The following LIPG variants were observed in gnomAD, a reference collection of about 807,000 sequenced individuals.
The protein encoded by LIPG is endothelial lipase.
LIPG carries 34 observed loss-of-function variants against 51.8 expected under a neutral mutation model. The observed-to-expected ratio is 0.66, with a 90% CI of 0.50 to 0.87. LIPG has a LOEUF of 0.87. Ranked by LOEUF, LIPG falls within the 40% of genes least tolerant of loss-of-function variation. The pLI is 0.00. For missense variants in LIPG, 580 were observed against 652.7 expected, an observed-to-expected ratio of 0.89 and a Z score of 1.21; for synonymous variants, 246 against 246.1, an observed-to-expected ratio of 1.00 and a Z score of 0.00.
At chr18:49,579,022 G>C (rs1425842146) in intron 5 of LIPG, among the ~76,000 whole-genome samples, 7 of 30 alleles carry the variant, frequency 0.23, no homozygotes, top group Non-Finnish European at 0.33. Context: ...GAGGGAGAGG[G>C]AGAGGGAGAG....
chr18:49,575,259 G>A, intron 4 of LIPG, 110 bp from the exon 5 acceptor site: 2 of 778,132 alleles, frequency 2.6e-6, no homozygotes, highest in Non-Finnish European at 4.3e-6. Context: ...TCTCCCAGCT[G>A]GTCTCAGAAG....
At position 49,594,192 on chromosome 18, in the gene LIPG, G is replaced by A. The variant is rs1404288678; in HGVS notation, c.*3670G>A. ...CTCTGTAGCCCAGGCTGGAGTGCAG[G>A]GGCATGATCTTGGCCCACTGCAACC... On this transcript the variant is annotated 3_prime_UTR_variant, in exon 10 of 10. Coordinates refer to ENST00000261292, the MANE Select transcript of LIPG (RefSeq NM_006033.4). 2.0e-5 allele frequency: 3 copies of A among 151,938 alleles called. No homozygotes were observed. The highest frequency in any genetic ancestry group is 2.1e-4 in the South Asian group (1 of 4,820). The allele number at this position is 151,938 out of a possible 1,614,324, so 9.4% of individuals were successfully genotyped here.
chr18:49,581,515 T>C lies in LIPG; in HGVS notation c.894T>C (p.Thr298=). Residue 298 remains threonine, a synonymous_variant, in exon 6 of 10, where the codon ACT becomes ACC. Coordinates refer to ENST00000261292, the MANE Select transcript of LIPG (RefSeq NM_006033.4). The part of the protein sequence containing the change: ...QDKPSFAFQC[T]DSNRFKKGIC... ...AGCCGAGTTTTGCCTTCCAGTGCACTGACTCCAATCGCTTCAAAAAGGGGA... is the reference window on the plus strand; with the variant it reads ...AGCCGAGTTTTGCCTTCCAGTGCACCGACTCCAATCGCTTCAAAAAGGGGA... 1 of 1,614,188 alleles carries C rather than the reference T, an allele frequency of 6.2e-7. No individual in the cohort carries two copies. The highest frequency in any genetic ancestry group is 8.5e-7 in the Non-Finnish European group (1 of 1,180,026).
chr18:49,565,569 A>T (rs958282984), intron 2 of LIPG, 71 bp downstream of exon 2: 2 of 1,550,272 alleles, frequency 1.3e-6, no homozygotes, highest in African/African-American at 2.7e-5. Flanking sequence ...AATTAGAAAG[A>T]ATTCTGGTGT....
intron 1 of LIPG, among the ~76,000 whole-genome samples, chr18:49,562,744 T>G (rs1375947022): frequency 2.0e-5 from 3 of 150,608 alleles, no homozygotes; most frequent in African/African-American, 7.3e-5. Context: ...CTTGTCCTCA[T>G]GCCTGAACCT....
chr18:49,590,305 A>G (rs17798937), intron 9 of LIPG, 196 bp from the exon 10 acceptor site: 20,599 of 684,202 alleles, frequency 0.03, 1,673 homozygotes, highest in East Asian at 0.21. Context: ...AAGTGCATCT[A>G]TGGCTTGTCA....
Position 49,590,678 on chromosome 18 carries a change from A to G in LIPG, c.*156A>G. ...CAACTGGTCTCCTGTGATGGCTGGG[A>G]CTCCTCGCGGGAGGGGACTGCGCTG... On this transcript the variant is annotated 3_prime_UTR_variant, in exon 10 of 10. Coordinates refer to ENST00000261292, the MANE Select transcript of LIPG (RefSeq NM_006033.4). 3 of 780,642 alleles carry G rather than the reference A, an allele frequency of 3.8e-6. No individual in the cohort carries two copies. Among genetic ancestry groups the G allele is most frequent in the Non-Finnish European group, 6.6e-6 (3 of 457,544 alleles). 48.4% of individuals were successfully genotyped at this position (780,642 alleles called of 1,614,324 possible).
upstream of LIPG, chr18:49,561,778 A>T (rs912078263): frequency 1.8e-4 from 221 of 1,251,424 alleles, no homozygotes; most frequent in Middle Eastern, 3.1e-4. Context: ...TGGGGAGAGG[A>T]GGATCTGGGT....
In LIPG at chr18:49,598,697, C is replaced by T. The variant is rs1021938908; in HGVS notation, c.*8175C>T. ...CAGGAAATCATCATGAAACTGAAAG[C>T]ATTACCACATCGAGATTGTGAACAT... On this transcript the variant is annotated 3_prime_UTR_variant, in exon 10 of 10. Coordinates refer to ENST00000261292, the MANE Select transcript of LIPG (RefSeq NM_006033.4). 1.4e-4 allele frequency: 22 copies of T among 152,174 alleles called. No individual in the cohort carries two copies. 9.4% of individuals were successfully genotyped at this position (152,174 alleles called of 1,614,324 possible). A position where few individuals can be genotyped will look rare whatever the true frequency, so the allele number is the denominator to read the frequency against.
At chr18:49,572,622 T>C (rs1214632551) in intron 4 of LIPG, among the ~76,000 whole-genome samples, 1 of 151,196 alleles carries the variant, frequency 6.6e-6, no homozygotes, top group Non-Finnish European at 1.5e-5. Flanking sequence ...TCCTAGCTAC[T>C]CGGGATGCTG....
chr18:49,580,092 G>T (rs1053042402), intron 5 of LIPG, among the ~76,000 whole-genome samples: 2 of 152,168 alleles, frequency 1.3e-5, no homozygotes, highest in Non-Finnish European at 1.5e-5. Context: ...GGGATTACAG[G>T]TGTGAGCCAC....
chr18:49,580,900 A>G (rs1221091788), intron 5 of LIPG, among the ~76,000 whole-genome samples: 1 of 152,188 alleles, frequency 6.6e-6, no homozygotes, highest in African/African-American at 2.4e-5. Context: ...ACAGTTAGGC[A>G]GCATGAATGG....
At position 49,576,530 on chromosome 18, in the gene LIPG, C is replaced by T. The variant is rs369898289; in HGVS notation, c.793+940C>T. 2.9e-4 allele frequency among the ~76,000 whole-genome samples: 35 copies of T among 121,608 alleles called. No homozygotes were observed. The East Asian group carries it at 8.2e-3, about 29-fold the overall frequency. The allele number at this position is 121,608 out of a possible 152,430, so 79.8% of individuals were successfully genotyped here. A position where few individuals can be genotyped will look rare whatever the true frequency, so the allele number is the denominator to read the frequency against. ...TTGCCCAGGCTGGAGTTCAGTAGTG[C>T]GATCTCAGCTCACTACAACTTCTGC... On this transcript the variant is annotated intron_variant, in intron 5 of 9. Transcript: ENST00000261292.
chr18:49,582,467 C>T lies in LIPG; in HGVS notation c.1142C>T (p.Thr381Ile), dbSNP rs765907999. The T allele has an allele frequency of 6.8e-6, 11 of 1,614,142 alleles. No individual in the cohort carries two copies. Among genetic ancestry groups the T allele is most frequent in the South Asian group, 3.3e-5 (3 of 91,094 alleles). Residue 381 changes from threonine to isoleucine, a missense_variant, in exon 7 of 10, where the codon ACT becomes ATT. Transcript: ENST00000261292. ...TLYGTNADSQ[T>I]LPLEIVERIE... ...TATGGCACTAATGCAGATTCCCAGA[C>T]TCTGCCACTGGAAATGTAAGTCATC... is the stretch of plus-strand genomic sequence containing the variant.
chr18:49,575,554 G>C lies in LIPG; in HGVS notation c.757G>C (p.Gly253Arg), dbSNP rs2084707289. 6.2e-7 allele frequency: 1 copy of C among 1,613,960 alleles called. No homozygotes were observed. The highest frequency in any genetic ancestry group is 8.5e-7 in the Non-Finnish European group (1 of 1,180,036). ...PNGGDFQPGC[G>R]LNDVLGSIAY... ...TGGGGGTGACTTCCAGCCAGGCTGT[G>C]GACTCAACGATGTCTTGGGATCAAT... The change falls in exon 5 of 10, where the codon GGA (glycine) becomes CGA (arginine). Residue 253 changes from glycine to arginine, a missense_variant. Transcript: ENST00000261292.
rs968649141 is a variant in LIPG, at chr18:49,590,759, C to T, written c.*237C>T. ...TCTAACTCCAAACCTCTGTCCACACCTCCAGAGCACCAAGTCCAGATTTGT... is the reference window on the plus strand; with the variant it reads ...TCTAACTCCAAACCTCTGTCCACACTTCCAGAGCACCAAGTCCAGATTTGT... On this transcript the variant is annotated 3_prime_UTR_variant, in exon 10 of 10. Coordinates refer to ENST00000261292, the MANE Select transcript of LIPG (RefSeq NM_006033.4). The T allele has an allele frequency of 5.6e-5, 33 of 593,990 alleles. No homozygotes were observed. In the East Asian group the frequency reaches 9.4e-4, roughly 17 times the overall value. The allele number at this position is 593,990 out of a possible 1,614,324, so 36.8% of individuals were successfully genotyped here.
rs777354191 is a variant in LIPG, at chr18:49,586,856, C to T, written c.1481+6C>T. The T allele has an allele frequency of 3.7e-6, 6 of 1,607,380 alleles. No homozygotes were observed. The highest frequency in any genetic ancestry group is 5.1e-6 in the Non-Finnish European group (6 of 1,174,004). ...AGGATGAAAAACGAAACCAGGTAAC[C>T]AGGACTTTCTCACACGTTCCACCCA... On this transcript the variant is annotated splice_donor_region_variant and intron_variant, in intron 9 of 9. Coordinates refer to ENST00000261292, the MANE Select transcript of LIPG (RefSeq NM_006033.4).
At chr18:49,578,872 CGTGGTGGCGCGTGCCTGCAA>C (rs2084766123) in intron 5 of LIPG, among the ~76,000 whole-genome samples, 1 of 133,460 alleles carries the variant, frequency 7.5e-6, no homozygotes, top group Non-Finnish European at 1.6e-5. Context: ...ACCAGTCAGG[CGTGGTGGCGCGTGCCTGCAA>C]TCGCAGGCAC....
At chr18:49,583,144 T>G (rs1749349033) in intron 7 of LIPG, among the ~76,000 whole-genome samples, 1 of 152,146 alleles carries the variant, frequency 6.6e-6, no homozygotes, top group Non-Finnish European at 1.5e-5. Flanking sequence ...GGGAGCTGGT[T>G]TTCCCCAGCA....
Sources: allele counts gnomAD v4.1 joint callset (sites outside exome capture counted in the v4.1 genomes callset), GRCh38; gene constraint gnomAD v4.1.1; transcripts MANE v1.5; gene names NCBI Gene and HGNC (gene_info 2026-07-23, HGNC 2026-07-21).